Variants in FANCA observed in about 807,000 individuals in gnomAD.
FANCA encodes the protein Fanconi anemia group A protein.
In FANCA, 236 loss-of-function variants were observed where a neutral mutation model predicts 194.3. That is an observed-to-expected ratio of 1.21 (90% CI 1.09 to 1.35). FANCA has a LOEUF of 1.35. FANCA is among the 40% of genes most tolerant of loss of function. The probability of loss-of-function intolerance (pLI) is 0.00; values close to 1 mark genes in which losing one functional copy is unlikely to be tolerated. For missense variants in FANCA, 2,628 were observed against 1,813.9 expected (o/e 1.45, Z -8.15); for synonymous variants, 1,014 against 715.8 (o/e 1.42, Z -6.65).
intron 6 of FANCA, among the ~76,000 whole-genome samples, chr16:89,806,781 C>G (rs547466784): frequency 9.1e-4 from 138 of 152,312 alleles, no homozygotes; most frequent in African/African-American, 3.0e-3. Flanking sequence ...CATCTGATTT[C>G]GCAATCTTTT....
chr16:89,808,276 T>A lies in FANCA; in HGVS notation c.596+18A>T. The A allele has an allele frequency of 6.2e-7, 1 of 1,612,046 alleles. No individual in the cohort carries two copies. The highest frequency in any genetic ancestry group is 1.3e-5 in the African/African-American group (1 of 74,988). ...AGACTGCAAAAACAGTAACACTGAA[T>A]CATCATTAGCACGCTACCTTTCCAG... On this transcript the variant is annotated intron_variant, in intron 6 of 42. Transcript: ENST00000389301.
intron 14 of FANCA, 41 bp downstream of exon 14, chr16:89,791,362 G>T: frequency 3.7e-6 from 6 of 1,609,288 alleles, no homozygotes; most frequent in Non-Finnish European, 5.1e-6. Context: ...AGGCCTTCTG[G>T]GAAGATCAGG....
intron 17 of FANCA, among the ~76,000 whole-genome samples, chr16:89,781,250 G>A (rs866155087): frequency 6.6e-6 from 1 of 150,408 alleles, no homozygotes. Context: ...TGTAGTCCCA[G>A]CTACTCGGGA....
intron 36 of FANCA, 114 bp downstream of exon 36, chr16:89,744,845 G>C: frequency 1.0e-6 from 1 of 956,400 alleles, no homozygotes; most frequent in East Asian, 2.6e-5. Flanking sequence ...CTGCTCACAC[G>C]AGAGGCTGCC....
rs1463228706 is a variant in FANCA at position 89,746,899 on chromosome 16, G to C, written c.3349-9C>G. The stretch of plus-strand genomic sequence containing the variant: ...TGGGAGCAGAAGTTTCTCTGCAAAA[G>C]AGTTCAAGGCAGGTAAGAAAAGCCC... On this transcript the variant is annotated splice_polypyrimidine_tract_variant and intron_variant, in intron 33 of 42. Transcript: ENST00000389301. The C allele has an allele frequency of 5.1e-6, 8 of 1,553,880 alleles. No homozygotes were observed. The African/African-American group carries it at 6.8e-5, about 13-fold the overall frequency.
Position 89,773,374 on chromosome 16 carries a change from C to T in FANCA, c.1911G>A (p.Leu637=), listed in dbSNP as rs914305609. 2 of 1,550,476 alleles carry T rather than the reference C, an allele frequency of 1.3e-6. No homozygotes were observed. Among genetic ancestry groups the T allele is most frequent in the South Asian group, 1.2e-5 (1 of 84,032 alleles). ...CAGAGTTGGGTTCTGCCCTCACTCC[C>T]AGGGCTGCATCTGTGAGAAGAAGGA... The part of the protein sequence containing the change: ...AAEEKPEDAA[L]GVRAEPNSAE... Residue 637 remains leucine, a synonymous_variant, in exon 22 of 43, where the codon CTG becomes CTA. Transcript: ENST00000389301.
At chr16:89,760,139 G>A (rs1487515935) in intron 29 of FANCA, among the ~76,000 whole-genome samples, 2 of 152,238 alleles carry the variant, frequency 1.3e-5, no homozygotes, top group African/African-American at 4.8e-5. Context: ...CCACGCAGCG[G>A]TGACCTGATG....
In FANCA at chr16:89,761,409, ACT is replaced by A. The variant is rs1418600638; in HGVS notation, c.2852+538_2852+539del. Among the ~76,000 whole-genome samples the A allele has an allele frequency of 5.2e-5, 7 of 134,340 alleles. No individual in the cohort carries two copies. The East Asian group carries it at 1.4e-3, about 27-fold the overall frequency. 88.1% of individuals were successfully genotyped at this position (134,340 alleles called of 152,430 possible). A position where few individuals can be genotyped will look rare whatever the true frequency, so the allele number is the denominator to read the frequency against. The stretch of plus-strand genomic sequence containing the variant: ...ATTCCAGCCTGGGTGACAGAGCAAG[ACT>A]CTGTCTCAGAAAAAAAAAAAAAAAA... On this transcript the variant is annotated intron_variant, in intron 29 of 42. Coordinates refer to ENST00000389301, the MANE Select transcript of FANCA (RefSeq NM_000135.4).
Position 89,816,643 on chromosome 16 carries a change from G to A in FANCA, c.-28C>T, listed in dbSNP as rs886052490. 4.6e-6 allele frequency: 7 copies of A among 1,514,338 alleles called. No individual in the cohort carries two copies. The highest frequency in any genetic ancestry group is 2.9e-5 in the African/African-American group (2 of 70,064). 93.8% of individuals were successfully genotyped at this position (1,514,338 alleles called of 1,614,324 possible). On this transcript the variant is annotated 5_prime_UTR_variant, in exon 1 of 43. Transcript: ENST00000389301. ...CCTTGGCGCCTACAGCCCCGGCGGCGGCTCCCTGCGCCCGAGCCCGCGCTG... is the reference window on the plus strand; with the variant it reads ...CCTTGGCGCCTACAGCCCCGGCGGCAGCTCCCTGCGCCCGAGCCCGCGCTG...
At chr16:89,812,505 G>C (rs2040925736) in intron 3 of FANCA, among the ~76,000 whole-genome samples, 1 of 151,280 alleles carries the variant, frequency 6.6e-6, no homozygotes, top group Admixed American at 6.6e-5. Context: ...AATTAGCCAG[G>C]CGTGGTGGTG....
intron 18 of FANCA, 79 bp downstream of exon 18, chr16:89,779,790 G>C: frequency 1.7e-6 from 2 of 1,201,376 alleles, no homozygotes; most frequent in South Asian, 1.2e-5. Flanking sequence ...TCAGAGCAGA[G>C]TCTGCACATA....
At position 89,779,942 on chromosome 16, in the gene FANCA, G is replaced by A; in HGVS notation, c.1642C>T (p.Leu548Phe). Residue 548 changes from leucine (L) to phenylalanine (F), a missense_variant, in exon 18 of 43, where the codon CTT (leucine) becomes TTT (phenylalanine). Transcript: ENST00000389301. ...GDITEPHSQA[L>F]QDVEKAIMVF... ...ATGATGGCCTTTTCAACATCCTGAA[G>A]AGCTTGGCTGTGGGGCTGGTTCCCA... 6.2e-7 allele frequency: 1 copy of A among 1,614,186 alleles called. No individual in the cohort carries two copies. Among genetic ancestry groups the A allele is most frequent in the East Asian group, 2.2e-5 (1 of 44,892 alleles).
chr16:89,751,258 T>G (rs1403268968), intron 31 of FANCA, among the ~76,000 whole-genome samples: 1 of 152,042 alleles, frequency 6.6e-6, no homozygotes, highest in East Asian at 1.9e-4. Context: ...CCAACAATTT[T>G]GGAGACCGAG....
chr16:89,795,284 CAATA>C (rs71391243), intron 11 of FANCA, among the ~76,000 whole-genome samples: 5,358 of 139,998 alleles, frequency 0.038, 343 homozygotes, highest in African/African-American at 0.13. Context: ...ACTCCATCTC[CAATA>C]AATAAATAAA....
Position 89,816,611 on chromosome 16 carries a change from G to A in FANCA, c.5C>T (p.Ser2Phe), listed in dbSNP as rs928016876. The change falls in exon 1 of 43, where the codon TCC (serine) becomes TTC (phenylalanine). Residue 2 changes from serine (S) to phenylalanine (F), a missense_variant. Transcript: ENST00000389301. The stretch of plus-strand genomic sequence containing the variant: ...GGCGGAGTTCGGGACCCACGAGTCG[G>A]ACATGGCCTTGGCGCCTACAGCCCC... M[S>F]DSWVPNSASG... 22 of 1,525,038 alleles carry A rather than the reference G, an allele frequency of 1.4e-5. No individual in the cohort carries two copies. The highest frequency in any genetic ancestry group is 2.8e-5 in the African/African-American group (2 of 70,562). 94.5% of individuals were successfully genotyped at this position (1,525,038 alleles called of 1,614,324 possible). A position where few individuals can be genotyped will look rare whatever the true frequency, so the allele number is the denominator to read the frequency against.
At chr16:89,813,333 A>T (rs1489523943) in intron 3 of FANCA, among the ~76,000 whole-genome samples, 1 of 151,652 alleles carries the variant, frequency 6.6e-6, no homozygotes, top group East Asian at 1.9e-4. Context: ...ACTTGAGGCC[A>T]GGAGGTCAAG....
intron 15 of FANCA, 42 bp downstream of exon 15, chr16:89,784,812 G>A: frequency 6.7e-7 from 1 of 1,484,334 alleles, no homozygotes; most frequent in East Asian, 2.3e-5. Context: ...CAGCAGGTGA[G>A]CGAAGCACCA....
At position 89,810,787 on chromosome 16, in the gene FANCA, G is replaced by A. The variant is rs2040846687; in HGVS notation, c.442C>T (p.Leu148=). The change falls in exon 5 of 43, where the codon CTG becomes TTG. Residue 148 remains leucine, a synonymous_variant. Coordinates refer to ENST00000389301, the MANE Select transcript of FANCA (RefSeq NM_000135.4). ...AATAAATACTGAGCAAACTCTAACA[G>A]GGAAGACAGCTTCTTCTGAAAAGAG... ...TVEQRKKLSS[L]LEFAQYLLAH... 2 of 1,613,202 alleles carry A rather than the reference G, an allele frequency of 1.2e-6. No individual in the cohort carries two copies.
intron 3 of FANCA, among the ~76,000 whole-genome samples, chr16:89,812,220 TC>T (rs1490966202): frequency 1.3e-5 from 2 of 151,652 alleles, no homozygotes; most frequent in African/African-American, 4.8e-5. Context: ...GAGCCTGTAG[TC>T]CCAGCTACTC....
Sources: gnomAD v4.1 joint callset for allele counts (sites outside exome capture counted in the v4.1 genomes callset) on GRCh38, gnomAD v4.1.1 for gene constraint, MANE v1.5 for transcripts, NCBI Gene and HGNC (gene_info 2026-07-23, HGNC 2026-07-21) for gene names.